The following EML1 variants were observed in gnomAD, a reference collection of about 807,000 sequenced individuals.
EML1 encodes EMAP like 1, also known as echinoderm microtubule-associated protein-like 1.
EML1 carries 27 observed loss-of-function variants against 110.4 expected under a neutral mutation model. The ratio of observed to expected loss-of-function variants is 0.24; its 90% CI spans 0.18 to 0.34. The LOEUF (loss-of-function observed/expected upper bound fraction) is 0.34, where lower values mean the gene tolerates loss of function less well. Among genes scored for constraint, EML1 ranks in the 10% least tolerant of loss-of-function variants. The pLI is 1.00. For missense variants in EML1, 741 were observed against 1,030.9 expected (o/e 0.72, Z 3.85); for synonymous variants, 344 against 385.8 (o/e 0.89, Z 1.27).
chr14:99,856,385 T>C (rs2058902058), intron 2 of EML1, among the ~76,000 whole-genome samples: 3 of 152,254 alleles, frequency 2.0e-5, no homozygotes, highest in African/African-American at 4.8e-5. Context: ...CAGCACATCA[T>C]TGTGTGAAAT....
chr14:99,825,985 AAC>A (rs1459667958), intron 1 of EML1, among the ~76,000 whole-genome samples: 2 of 152,156 alleles, frequency 1.3e-5, no homozygotes, highest in Non-Finnish European at 2.9e-5. Context: ...ACTGCAAGAA[AAC>A]TTTGGTGGGC....
At position 99,825,904 on chromosome 14, in the gene EML1, G is replaced by A. The variant is rs1446761034; in HGVS notation, c.68-24949G>A. Among the ~76,000 whole-genome samples the A allele has an allele frequency of 3.3e-5, 5 of 152,248 alleles. No homozygotes were observed. The East Asian group carries it at 9.6e-4, about 29-fold the overall frequency. On this transcript the variant is annotated intron_variant, in intron 1 of 21. Transcript: ENST00000262233. ...TTTAGATGTAAGGCATCACTTTTCA[G>A]TGAAGCAGGGACTTTTTACAAAGTC...
chr14:99,929,889 C>T (rs761932479), intron 17 of EML1, among the ~76,000 whole-genome samples: 5 of 152,136 alleles, frequency 3.3e-5, no homozygotes, highest in Non-Finnish European at 7.4e-5. Context: ...TTTCTCATTC[C>T]GTCAGTCTCA....
intron 2 of EML1, among the ~76,000 whole-genome samples, chr14:99,856,607 CT>C (rs1406008429): frequency 1.3e-5 from 2 of 152,104 alleles, no homozygotes; most frequent in Non-Finnish European, 2.9e-5. Flanking sequence ...AAAATCTTTT[CT>C]CTTTTGCTCT....
chr14:99,750,980 C>T (rs1438422541), intron 1 of EML1, among the ~76,000 whole-genome samples: 1 of 152,066 alleles, frequency 6.6e-6, no homozygotes, highest in African/African-American at 2.4e-5. Flanking sequence ...CTCGGTTTCC[C>T]CCCCTGTGAA....
At chr14:99,804,298 G>A (rs1401642354) in intron 1 of EML1, among the ~76,000 whole-genome samples, 2 of 152,316 alleles carry the variant, frequency 1.3e-5, no homozygotes, top group Admixed American at 6.5e-5. Flanking sequence ...TCATTCATGC[G>A]TGTATGTGTG....
chr14:99,881,589 A>G (rs2059384430), intron 4 of EML1, among the ~76,000 whole-genome samples: 1 of 146,556 alleles, frequency 6.8e-6, no homozygotes, highest in Non-Finnish European at 1.5e-5. Context: ...TCATAAAACT[A>G]TATTCTTTTT....
intron 3 of EML1, chr14:99,875,040 C>G (rs1382737481): frequency 1.3e-6 from 2 of 1,573,394 alleles, no homozygotes; most frequent in Non-Finnish European, 1.7e-6. Flanking sequence ...TCCATTGTTT[C>G]CATCTCTGTT....
chr14:99,765,241 G>A (rs1407939378), intron 1 of EML1, among the ~76,000 whole-genome samples: 1 of 151,844 alleles, frequency 6.6e-6, no homozygotes, highest in Non-Finnish European at 1.5e-5. Context: ...GGCATGCCCA[G>A]CCCGTCTTAA....
Position 99,919,776 on chromosome 14 carries a change from C to T in EML1, c.1821-1013C>T, listed in dbSNP as rs552459269. Reference sequence around the variant, plus strand: ...CCCAGCCTTTATTAAGGTTAAATAGCACATTAAAGGTAAATGGTTGTTGAA... The same window carrying T: ...CCCAGCCTTTATTAAGGTTAAATAGTACATTAAAGGTAAATGGTTGTTGAA... On this transcript the variant is annotated intron_variant, in intron 16 of 21. Coordinates refer to ENST00000262233, the MANE Select transcript of EML1 (RefSeq NM_004434.3). 2.3e-4 allele frequency among the ~76,000 whole-genome samples: 35 copies of T among 152,240 alleles called. 1 individual carries two copies. In the South Asian group the frequency reaches 7.1e-3, roughly 31 times the overall value.
intron 3 of EML1, among the ~76,000 whole-genome samples, chr14:99,872,135 T>G (rs2139909823): frequency 6.6e-6 from 1 of 152,274 alleles, no homozygotes; most frequent in Admixed American, 6.5e-5. Flanking sequence ...ATTTCTCAGA[T>G]TGCAGGTCTG....
chr14:99,738,505 G>T (rs891762937), intron 1 of EML1, among the ~76,000 whole-genome samples: 1 of 152,248 alleles, frequency 6.6e-6, no homozygotes, highest in Non-Finnish European at 1.5e-5. Flanking sequence ...GCCAGTTACA[G>T]AGCCAGCCTT....
intron 1 of EML1, among the ~76,000 whole-genome samples, chr14:99,820,368 G>T (rs1595338587): frequency 6.6e-6 from 1 of 152,310 alleles, no homozygotes; most frequent in East Asian, 1.9e-4. Context: ...TTGCTCAGCG[G>T]AGAGGAAGCT....
intron 17 of EML1, among the ~76,000 whole-genome samples, chr14:99,932,499 C>T (rs976313046): frequency 8.6e-5 from 13 of 151,900 alleles, no homozygotes; most frequent in Admixed American, 1.3e-4. Flanking sequence ...ATTAGCCAGA[C>T]GCGGTGGCAG....
chr14:99,803,802 T>A (rs1393154597), intron 1 of EML1, among the ~76,000 whole-genome samples: 1 of 152,248 alleles, frequency 6.6e-6, no homozygotes, highest in Admixed American at 6.5e-5. Flanking sequence ...TAGAAAAATA[T>A]GTTCCAGTTG....
At chr14:99,858,710 G>C (rs184567931) in intron 2 of EML1, among the ~76,000 whole-genome samples, 31 of 152,282 alleles carry the variant, frequency 2.0e-4, no homozygotes, top group African/African-American at 7.5e-4. Context: ...TGATGGTGAT[G>C]GTGATGATAG....
intron 2 of EML1, among the ~76,000 whole-genome samples, chr14:99,856,908 A>C (rs1240454450): frequency 1.3e-5 from 2 of 152,216 alleles, no homozygotes; most frequent in African/African-American, 2.4e-5. Context: ...TTTTAAAGCA[A>C]ATCTAAGACG....
chr14:99,841,846 G>A (rs1247906940), intron 1 of EML1, among the ~76,000 whole-genome samples: 9 of 152,240 alleles, frequency 5.9e-5, no homozygotes, highest in Non-Finnish European at 1.2e-4. Flanking sequence ...TAGAGACACC[G>A]CCCCATAGAC....
At chr14:99,922,573 A>G (rs56330643) in intron 17 of EML1, among the ~76,000 whole-genome samples, 40,067 of 151,996 alleles carry the variant, frequency 0.26, 6,470 homozygotes, top group Non-Finnish European at 0.36. Flanking sequence ...ATTTTATGAA[A>G]CTGCCAGACT....
Sources: gnomAD v4.1 joint callset for allele counts (sites outside exome capture counted in the v4.1 genomes callset) on GRCh38, gnomAD v4.1.1 for gene constraint, MANE v1.5 for transcripts, NCBI Gene and HGNC (gene_info 2026-07-23, HGNC 2026-07-21) for gene names.